COLEC10: variants seen among roughly 807,000 people sequenced by gnomAD.
COLEC10 encodes the protein collectin subfamily member 10.
In COLEC10, 22 loss-of-function variants were observed where a neutral mutation model predicts 28.4. The ratio of observed to expected loss-of-function variants is 0.78; its 90% CI spans 0.55 to 1.11. The LOEUF is 1.11. COLEC10 is among the 50% of genes least tolerant of loss of function. The pLI, the probability that COLEC10 is intolerant of heterozygous loss-of-function variation, is 0.00. For missense variants in COLEC10, 361 were observed against 344.1 expected, an observed-to-expected ratio of 1.05 and a Z score of -0.39; for synonymous variants, 125 against 116.1, an observed-to-expected ratio of 1.08 and a Z score of -0.49.
chr8:119,010,623 C>G (rs1813886795), intron 2 of COLEC10, among the ~76,000 whole-genome samples: 1 of 151,118 alleles, frequency 6.6e-6, no homozygotes, highest in African/African-American at 2.5e-5. Flanking sequence ...TTCTCACAAG[C>G]AATGGATGCA....
chr8:119,050,206 TTA>T (rs201930644), intron 2 of COLEC10, among the ~76,000 whole-genome samples: 22,776 of 152,150 alleles, frequency 0.15, 2,319 homozygotes, highest in Non-Finnish European at 0.23. Context: ...GATAAAGCCC[TTA>T]ATTGAAAGGC....
At chr8:118,957,160 CA>C in the COLEC10 span, among the ~76,000 whole-genome samples, 1 of 152,166 alleles carries the variant, frequency 6.6e-6, no homozygotes, top group Non-Finnish European at 1.5e-5. Flanking sequence ...ATTTATTCAG[CA>C]AATATTGACT....
chr8:119,001,054 C>A (rs939590662), intron 1 of COLEC10, among the ~76,000 whole-genome samples: 1 of 152,142 alleles, frequency 6.6e-6, no homozygotes, highest in Non-Finnish European at 1.5e-5. Flanking sequence ...CTTCTCCAAC[C>A]TTTTCATATG....
At chr8:119,064,166 T>C (rs1563731599), upstream of COLEC10, among the ~76,000 whole-genome samples, 1 of 152,240 alleles carries the variant, frequency 6.6e-6, no homozygotes, top group Admixed American at 6.5e-5. Flanking sequence ...ACTTTATGTA[T>C]TCAATCATCT....
chr8:119,060,244 C>A (rs1814831091), intron 2 of COLEC10, among the ~76,000 whole-genome samples: 1 of 151,974 alleles, frequency 6.6e-6, no homozygotes, highest in African/African-American at 2.4e-5. Context: ...TGGAAGCTAG[C>A]AAAAGTATTA....
chr8:119,009,094 C>T (rs1813859221), intron 1 of COLEC10, among the ~76,000 whole-genome samples: 1 of 150,986 alleles, frequency 6.6e-6, no homozygotes, highest in South Asian at 2.1e-4. Context: ...CCATAAAGTT[C>T]ACCTTTTAGA....
chr8:118,970,943 G>T, the COLEC10 span, among the ~76,000 whole-genome samples: 2 of 151,914 alleles, frequency 1.3e-5, no homozygotes, highest in African/African-American at 2.4e-5. Flanking sequence ...TTTGAAATTT[G>T]CAAGGAGCCT....
intron 1 of COLEC10, among the ~76,000 whole-genome samples, chr8:119,071,191 T>A (rs888626221): frequency 2.0e-5 from 3 of 152,354 alleles, no homozygotes; most frequent in South Asian, 2.1e-4. Flanking sequence ...TACTAAAATA[T>A]GCTGAAAATG....
intron 4 of COLEC10, 88 bp downstream of exon 4, chr8:119,102,489 A>G (rs1815856886): frequency 1.7e-6 from 2 of 1,173,102 alleles, no homozygotes; most frequent in Non-Finnish European, 1.2e-6. Context: ...ATGAAAAGCA[A>G]GAGTCCTTTT....
the COLEC10 span, among the ~76,000 whole-genome samples, chr8:118,979,774 T>C: frequency 2.0e-5 from 3 of 152,154 alleles, no homozygotes; most frequent in Non-Finnish European, 4.4e-5. Flanking sequence ...GAAATAAATA[T>C]GTCTGGAATA....
chr8:119,039,130 C>A (rs1295995993), intron 2 of COLEC10, among the ~76,000 whole-genome samples: 1 of 152,094 alleles, frequency 6.6e-6, no homozygotes, highest in East Asian at 1.9e-4. Context: ...TCATTCCATC[C>A]ATGCAGAACC....
chr8:118,967,983 A>G, the COLEC10 span, among the ~76,000 whole-genome samples: 1 of 152,104 alleles, frequency 6.6e-6, no homozygotes, highest in African/African-American at 2.4e-5. Context: ...TTAAGAATGC[A>G]TTTCGTGCAA....
At position 119,058,064 on chromosome 8, in the gene COLEC10, T is replaced by C. The variant is rs1814793248; in HGVS notation, n.236-31616T>C. ...AAAAGCCTCAACTGCCAAGACATTA[T>C]ATCAGGGCATATAGAGCTAGAAACA... is the stretch of plus-strand genomic sequence containing the variant. On this transcript the variant is annotated intron_variant and non_coding_transcript_variant, in intron 2 of 6. Transcript: ENST00000521788. Among the ~76,000 whole-genome samples the C allele has an allele frequency of 2.6e-5, 4 of 152,182 alleles. No homozygotes were observed. In the East Asian group the frequency reaches 5.8e-4, roughly 22 times the overall value.
chr8:119,000,582 G>A (rs1813677609), intron 1 of COLEC10, among the ~76,000 whole-genome samples: 1 of 152,098 alleles, frequency 6.6e-6, no homozygotes, highest in Non-Finnish European at 1.5e-5. Context: ...TGAACATGGA[G>A]TCTAAGCAGG....
At chr8:119,058,504 G>A (rs1047185749) in intron 2 of COLEC10, among the ~76,000 whole-genome samples, 1 of 151,918 alleles carries the variant, frequency 6.6e-6, no homozygotes, top group African/African-American at 2.4e-5. Context: ...TCATATAAAA[G>A]GAGTCACATA....
At chr8:119,100,555 T>A (rs562127301) in intron 3 of COLEC10, among the ~76,000 whole-genome samples, 1 of 152,202 alleles carries the variant, frequency 6.6e-6, no homozygotes, top group Non-Finnish European at 1.5e-5. Flanking sequence ...CATATGCTCA[T>A]GCCTTTATCC....
intron 2 of COLEC10, among the ~76,000 whole-genome samples, chr8:119,054,115 C>T (rs1036639818): frequency 1.3e-4 from 20 of 152,066 alleles, no homozygotes; most frequent in South Asian, 2.1e-4. Context: ...AAGTGACTAA[C>T]GACCAGGTAG....
the COLEC10 span, among the ~76,000 whole-genome samples, chr8:118,975,764 T>C: frequency 2.0e-5 from 3 of 152,132 alleles, no homozygotes; most frequent in Non-Finnish European, 2.9e-5. Context: ...GAGAGAAAAG[T>C]GAACGTTCCA....
chr8:118,997,323 T>C (rs1309427483), intron 1 of COLEC10, among the ~76,000 whole-genome samples: 2 of 152,226 alleles, frequency 1.3e-5, no homozygotes, highest in Non-Finnish European at 2.9e-5. Context: ...GTGGTTCCAC[T>C]TGTCTATTCT....
Sources: allele counts gnomAD v4.1 joint callset (sites outside exome capture counted in the v4.1 genomes callset), GRCh38; gene constraint gnomAD v4.1.1; transcripts MANE v1.5; gene names NCBI Gene and HGNC (gene_info 2026-07-23, HGNC 2026-07-21).